The following AP2A2 variants were observed in gnomAD, a reference collection of about 807,000 sequenced individuals.
AP2A2 encodes adaptor related protein complex 2 subunit alpha 2.
AP2A2 carries 32 observed loss-of-function variants against 104.2 expected under a neutral mutation model. The observed-to-expected ratio is 0.31, with a 90% CI of 0.23 to 0.41. The LOEUF (loss-of-function observed/expected upper bound fraction) is 0.41. Among genes scored for constraint, AP2A2 ranks in the 10% least tolerant of loss-of-function variants. The pLI is 1.00. For synonymous variants in AP2A2, 539 were observed against 533.3 expected, an observed-to-expected ratio of 1.01 and a Z score of -0.15; for missense variants, 912 against 1,261.0, an observed-to-expected ratio of 0.72 and a Z score of 4.19.
intron 2 of AP2A2, among the ~76,000 whole-genome samples, chr11:960,644 C>T (rs1272468402): frequency 2.0e-5 from 3 of 152,200 alleles, no homozygotes; most frequent in Non-Finnish European, 2.9e-5. Flanking sequence ...TCCCAACATG[C>T]TGGGATTACA....
chr11:941,798 G>A lies in AP2A2; in HGVS notation c.67+15710G>A, dbSNP rs113545126. ...ACATGGGGTTTTGCCATGTGGCTAGGCTGGTGTTGAACTCCTGATCTCAAG... is the reference window on the plus strand; with the variant it reads ...ACATGGGGTTTTGCCATGTGGCTAGACTGGTGTTGAACTCCTGATCTCAAG... On this transcript the variant is annotated intron_variant, in intron 1 of 21. Transcript: ENST00000448903. Among the ~76,000 whole-genome samples the A allele has an allele frequency of 5.8e-3, 887 of 151,816 alleles. 4 individuals carry two copies. The highest frequency in any genetic ancestry group is 7.6e-3 in the Non-Finnish European group (518 of 67,930).
intron 8 of AP2A2, among the ~76,000 whole-genome samples, chr11:986,286 C>T (rs1179124196): frequency 2.0e-5 from 3 of 152,250 alleles, no homozygotes; most frequent in African/African-American, 4.8e-5. Flanking sequence ...CTGAGAGTCA[C>T]ACTTCAGAAC....
At chr11:936,068 ATT>A (rs553294994) in intron 1 of AP2A2, among the ~76,000 whole-genome samples, 4 of 131,556 alleles carry the variant, frequency 3.0e-5, no homozygotes, top group East Asian at 2.3e-4. Context: ...CGCCTGCCTA[ATT>A]TTTTTTTTTT....
chr11:1,010,794 G>A lies in AP2A2; in HGVS notation c.*169G>A, dbSNP rs1856402383. The A allele has an allele frequency of 2.9e-6, 2 of 685,186 alleles. No individual in the cohort carries two copies. Among genetic ancestry groups the A allele is most frequent in the Non-Finnish European group, 5.3e-6 (2 of 377,768 alleles). 42.4% of individuals were successfully genotyped at this position (685,186 alleles called of 1,614,324 possible). On this transcript the variant is annotated 3_prime_UTR_variant, in exon 22 of 22. Coordinates refer to ENST00000448903, the MANE Select transcript of AP2A2 (RefSeq NM_012305.4). ...CTTTGGGCTGGACGGGAACACACGTGTGTGGCTCAGGAGGAAAAGCTCAGC... is the reference window on the plus strand; with the variant it reads ...CTTTGGGCTGGACGGGAACACACGTATGTGGCTCAGGAGGAAAAGCTCAGC...
Position 994,102 on chromosome 11 carries a change from C to T in AP2A2, c.1813C>T (p.Pro605Ser). The part of the protein sequence containing the change: ...ATVLEEMPPF[P>S]ERESSILAKL... ...CGTGCTGGAGGAGATGCCCCCATTC[C>T]CGGAGCGGGAGTCCTCCATCTTGGC... The change falls in exon 14 of 22, where the codon CCG becomes TCG. Residue 605 changes from proline (P) to serine (S), a missense_variant. Coordinates refer to ENST00000448903, the MANE Select transcript of AP2A2 (RefSeq NM_012305.4). The T allele has an allele frequency of 6.2e-7, 1 of 1,613,060 alleles. No individual in the cohort carries two copies. Among genetic ancestry groups the T allele is most frequent in the Non-Finnish European group, 8.5e-7 (1 of 1,179,842 alleles).
rs140782851 is a variant in AP2A2, at chr11:985,647, C to T, written c.962+65C>T. On this transcript the variant is annotated intron_variant, in intron 8 of 21. Coordinates refer to ENST00000448903, the MANE Select transcript of AP2A2 (RefSeq NM_012305.4). ...ACACACACGTTCCTTCTCGTTGGCA[C>T]GAGACTGGGCGGATCATGTCTGGTT... 109 of 1,596,854 alleles carry T rather than the reference C, an allele frequency of 6.8e-5. No individual in the cohort carries two copies. The African/African-American group carries it at 1.2e-3, about 17-fold the overall frequency.
chr11:981,664 A>G (rs1033404383), intron 6 of AP2A2, among the ~76,000 whole-genome samples: 2 of 152,276 alleles, frequency 1.3e-5, no homozygotes, highest in South Asian at 2.1e-4. Context: ...TGCAGCACAC[A>G]TTCTTTTGTT....
intron 1 of AP2A2, among the ~76,000 whole-genome samples, chr11:928,205 C>T (rs1853179846): frequency 6.6e-6 from 1 of 152,196 alleles, no homozygotes; most frequent in African/African-American, 2.4e-5. Context: ...TCAGTTACCT[C>T]TGGTGATCTG....
rs1457596504 is a variant in AP2A2, at chr11:993,662, AG to A, written c.1551-87del. On this transcript the variant is annotated intron_variant, in intron 12 of 21. Transcript: ENST00000448903. The surrounding 1 kb of genome is among the most constrained non-coding windows in gnomAD (Gnocchi z 8.2). ...CGACCAGCGGCCTCTGGTGCAGGCC[AG>A]GGGGTCTCGCCGCCGTCCCCCCCCC... The A allele has an allele frequency of 2.0e-6, 2 of 981,758 alleles. No homozygotes were observed. The highest frequency in any genetic ancestry group is 3.2e-5 in the African/African-American group (2 of 61,850). The allele number at this position is 981,758 out of a possible 1,614,324, so 60.8% of individuals were successfully genotyped here.
rs202109923 is a variant in AP2A2 at position 1,009,784 on chromosome 11, C to T, written c.2709C>T (p.Cys903=). 40 of 1,549,638 alleles carry T rather than the reference C, an allele frequency of 2.6e-5. No homozygotes were observed. Among genetic ancestry groups the T allele is most frequent in the Non-Finnish European group, 3.5e-5 (40 of 1,145,468 alleles). ...IIHTKTTQIG[C]LLRLEPNLQA... The stretch of plus-strand genomic sequence containing the variant: ...ACACGAAAACCACCCAGATTGGATG[C>T]CTGCTGCGCTTGGAGCCGAACCTGC... Residue 903 remains cysteine (C), a synonymous_variant, in exon 21 of 22, where the codon TGC becomes TGT. Coordinates refer to ENST00000448903, the MANE Select transcript of AP2A2 (RefSeq NM_012305.4).
At chr11:965,969 T>A (rs979072965) in intron 2 of AP2A2, among the ~76,000 whole-genome samples, 6 of 152,112 alleles carry the variant, frequency 3.9e-5, no homozygotes, top group Non-Finnish European at 5.9e-5. Flanking sequence ...ACCTCCCGAG[T>A]GGCTAGGGCT....
At chr11:933,261 C>T (rs549767649) in intron 1 of AP2A2, among the ~76,000 whole-genome samples, 1 of 151,848 alleles carries the variant, frequency 6.6e-6, no homozygotes, top group East Asian at 1.9e-4. Flanking sequence ...AAGTAAGACT[C>T]CGTCTCAAAA....
In AP2A2 at chr11:986,900, T is replaced by G; in HGVS notation, c.1078T>G (p.Phe360Val). ...CATGTGCACGCTGGCCAGCTCTGAG[T>G]TCTCCCATGAGGCTGTCAAGACGCA... ...ESMCTLASSE[F>V]SHEAVKTHIE... is the part of the protein sequence containing the mutation. The change falls in exon 9 of 22, where the codon TTC (phenylalanine) becomes GTC (valine). Residue 360 changes from phenylalanine to valine, a missense_variant. Transcript: ENST00000448903. 6.2e-7 allele frequency: 1 copy of G among 1,606,242 alleles called. No homozygotes were observed.
chr11:994,063 C>T lies in AP2A2; in HGVS notation c.1783-9C>T, dbSNP rs1590006943. ...GCTCTGACCAGTCCCACCCTGTGTT[C>T]TTTCCAAGGCGACCGTGCTGGAGGA... On this transcript the variant is annotated splice_polypyrimidine_tract_variant and intron_variant, in intron 13 of 21. Coordinates refer to ENST00000448903, the MANE Select transcript of AP2A2 (RefSeq NM_012305.4). 6.2e-7 allele frequency: 1 copy of T among 1,612,268 alleles called. No individual in the cohort carries two copies. Among genetic ancestry groups the T allele is most frequent in the Non-Finnish European group, 8.5e-7 (1 of 1,179,502 alleles).
rs139783880 is a variant in AP2A2, at chr11:988,772, G to A, written c.1269+83G>A. Reference sequence around the variant, plus strand: ...GATTTCCTTCGTGCTCTGCGATTCCGTCCAGCAGGACTTGATTGAGAACCC... The same window carrying A: ...GATTTCCTTCGTGCTCTGCGATTCCATCCAGCAGGACTTGATTGAGAACCC... On this transcript the variant is annotated intron_variant, in intron 10 of 21. Coordinates refer to ENST00000448903, the MANE Select transcript of AP2A2 (RefSeq NM_012305.4). The A allele has an allele frequency of 2.9e-3, 4,420 of 1,527,558 alleles. 14 individuals are homozygous for A. The highest frequency in any genetic ancestry group is 3.6e-3 in the Non-Finnish European group (3,969 of 1,113,372). 94.6% of individuals were successfully genotyped at this position (1,527,558 alleles called of 1,614,324 possible). A position where few individuals can be genotyped will look rare whatever the true frequency, so the allele number is the denominator to read the frequency against.
chr11:970,924 C>T (rs1854807157), intron 3 of AP2A2, among the ~76,000 whole-genome samples: 1 of 152,232 alleles, frequency 6.6e-6, no homozygotes, highest in African/African-American at 2.4e-5. Context: ...CTTTTGAAGT[C>T]TTCTTGGGCT....
chr11:929,318 A>G (rs1033809672), intron 1 of AP2A2, among the ~76,000 whole-genome samples: 1 of 152,166 alleles, frequency 6.6e-6, no homozygotes, highest in Non-Finnish European at 1.5e-5. Flanking sequence ...GAGGACTCTG[A>G]GCCAACAGCC....
chr11:1,002,954 T>C (rs1274951300), intron 15 of AP2A2, among the ~76,000 whole-genome samples: 1 of 152,218 alleles, frequency 6.6e-6, no homozygotes, highest in Admixed American at 6.5e-5. Flanking sequence ...GCCACATCCA[T>C]CTCTGTGCTG....
Position 1,009,368 on chromosome 11 carries a change from C to G in AP2A2, c.2578C>G (p.Pro860Ala). ...GCAGAACATCTTCAAAGCAAAGCAC[C>G]CAATGGACACAGAAGTCACCAAAGC... ...EVQNIFKAKH[P>A]MDTEVTKAKI... The change falls in exon 20 of 22, where the codon CCA becomes GCA. Residue 860 changes from proline (P) to alanine (A), a missense_variant. By Grantham distance (27) the Pro-to-Ala change is conservative. Transcript: ENST00000448903. 6.2e-7 allele frequency: 1 copy of G among 1,613,600 alleles called. No homozygotes were observed. Among genetic ancestry groups the G allele is most frequent in the Non-Finnish European group, 8.5e-7 (1 of 1,179,798 alleles).
Sources: gnomAD v4.1 joint callset for allele counts (sites outside exome capture counted in the v4.1 genomes callset) on GRCh38, gnomAD v4.1.1 for gene constraint, Gnocchi (gnomAD v3.1) non-coding constraint, MANE v1.5 for transcripts, NCBI Gene and HGNC (gene_info 2026-07-23, HGNC 2026-07-21) for gene names.